HBZ: variants seen among roughly 807,000 people sequenced by gnomAD.
The protein encoded by HBZ is hemoglobin zeta chain.
Under a neutral mutation model 5.8 loss-of-function variants are expected in HBZ, and 2 were observed. That is an observed-to-expected ratio of 0.34 (90% CI 0.14 to 1.09). HBZ has a LOEUF of 1.09. Among genes scored for constraint, HBZ ranks in the 50% least tolerant of loss-of-function variants. The pLI is 0.42. For missense variants in HBZ, 47 were observed against 97.8 expected (o/e 0.48, Z 2.19); for synonymous variants, 39 against 47.4 (o/e 0.82, Z 0.73).
intron 2 of HBZ, 64 bp downstream of exon 2, chr16:154,160 GGGGC>G (rs1901667594): frequency 1.9e-5 from 1 of 53,490 alleles, no homozygotes; most frequent in African/African-American, 4.2e-4. Flanking sequence ...GGGGCGGGGC[GGGGC>G]GGGGCGGGGA....
Position 153,923 on chromosome 16 carries a change from T to C in HBZ, c.127T>C (p.Tyr43His), listed in dbSNP as rs1901659006. Residue 43 changes from tyrosine to histidine, a missense_variant, in exon 2 of 3, where the codon TAC (tyrosine) becomes CAC (histidine). Physicochemically the swap from Tyr to His is moderately conservative, Grantham distance 83. Around this residue, in one of 3 missense-constraint regions of HBZ, gnomAD observed 0 missense variants for 18.6 expected, o/e 0.00. Coordinates refer to ENST00000252951, the MANE Select transcript of HBZ (RefSeq NM_005332.3). ...LFLSHPQTKT[Y>H]FPHFDLHPGS... ...CCTCAGCCACCCGCAGACCAAGACC[T>C]ACTTCCCGCACTTCGACCTGCACCC... 1 of 14,494 alleles carries C rather than the reference T, an allele frequency of 6.9e-5. No individual in the cohort carries two copies. Among genetic ancestry groups the C allele is most frequent in the Admixed American group, 1.1e-3 (1 of 920 alleles). The allele number at this position is 14,494 out of a possible 1,614,324, so 0.9% of individuals were successfully genotyped here.
At chr16:153,586 G>A (rs1176809080) in intron 1 of HBZ, among the ~76,000 whole-genome samples, 1 of 21,352 alleles carries the variant, frequency 4.7e-5, no homozygotes, top group African/African-American at 1.7e-4. Context: ...GTGGCCAGAG[G>A]AGACGGTGGA....
Position 154,439 on chromosome 16 carries a change from T to C in HBZ, c.*39T>C. 7.3e-6 allele frequency: 10 copies of C among 1,371,470 alleles called. No individual in the cohort carries two copies. The highest frequency in any genetic ancestry group is 1.5e-5 in the South Asian group (1 of 66,298). The allele number at this position is 1,371,470 out of a possible 1,614,324, so 85.0% of individuals were successfully genotyped here. ...GACCCCCAGGACAGGCTGCGGCCCC[T>C]CCCCCGTCCTGGAGGTTCCCCAGCC... is the stretch of plus-strand genomic sequence containing the variant. On this transcript the variant is annotated 3_prime_UTR_variant, in exon 3 of 3. Transcript: ENST00000252951.
rs1901635918 is a variant in HBZ, at chr16:152,763, C to G, written c.-147C>G. On this transcript the variant is annotated 5_prime_UTR_variant, in exon 1 of 3. Transcript: ENST00000252951. ...TCACTGGATCTGATAAGAAACACCA[C>G]CCCTGCAGCCCCCTCCCCTCACCTG... The G allele has an allele frequency of 5.1e-6, 7 of 1,376,786 alleles. No homozygotes were observed. Among genetic ancestry groups the G allele is most frequent in the Non-Finnish European group, 6.8e-6 (7 of 1,031,716 alleles). 85.3% of individuals were successfully genotyped at this position (1,376,786 alleles called of 1,614,324 possible). A position where few individuals can be genotyped will look rare whatever the true frequency, so the allele number is the denominator to read the frequency against.
chr16:154,434 G>C lies in HBZ; in HGVS notation c.*34G>C. The C allele has an allele frequency of 7.1e-7, 1 of 1,411,970 alleles. No individual in the cohort carries two copies. Among genetic ancestry groups the C allele is most frequent in the South Asian group, 1.4e-5 (1 of 70,726 alleles). 87.5% of individuals were successfully genotyped at this position (1,411,970 alleles called of 1,614,324 possible). A position where few individuals can be genotyped will look rare whatever the true frequency, so the allele number is the denominator to read the frequency against. On this transcript the variant is annotated 3_prime_UTR_variant, in exon 3 of 3. Transcript: ENST00000252951. ...TCCGGGACCCCCAGGACAGGCTGCG[G>C]CCCCTCCCCCGTCCTGGAGGTTCCC...
At position 152,970 on chromosome 16, in the gene HBZ, C is replaced by A. The variant is rs755606960; in HGVS notation, c.61C>A (p.Gln21Lys). The change falls in exon 1 of 3, where the codon CAG becomes AAG. Residue 21 changes from glutamine to lysine, a missense_variant. By Grantham distance (53) the Gln-to-Lys change is moderately conservative. Around this residue, in one of 3 missense-constraint regions of HBZ, gnomAD observed 29 missense variants for 39.7 expected, o/e 0.73. Transcript: ENST00000252951. ...GTCCATGTGGGCCAAGATCTCCACGCAGGCCGACACCATCGGCACCGAGAC... is the reference window on the plus strand; with the variant it reads ...GTCCATGTGGGCCAAGATCTCCACGAAGGCCGACACCATCGGCACCGAGAC... ...IVSMWAKIST[Q>K]ADTIGTETLE... 1 of 1,611,786 alleles carries A rather than the reference C, an allele frequency of 6.2e-7. No individual in the cohort carries two copies. Among genetic ancestry groups the A allele is most frequent in the Non-Finnish European group, 8.5e-7 (1 of 1,179,462 alleles).
In HBZ at chr16:154,177, G is replaced by GGCGGGGGTC. The variant is rs1555448011; in HGVS notation, c.300+87_300+88insGTCGCGGGG. The GGCGGGGGTC allele has an allele frequency of 9.8e-3, 283 of 28,806 alleles. 76 individuals carry two copies. In the African/African-American group the frequency reaches 0.25, roughly 26 times the overall value. The allele number at this position is 28,806 out of a possible 1,614,324, so 1.8% of individuals were successfully genotyped here. A position where few individuals can be genotyped will look rare whatever the true frequency, so the allele number is the denominator to read the frequency against. ...GGCGGGGCGGGGCGGGGCGGGGAGG[G>GGCGGGGGTC]GCGGGGAGGGGCGGGGTCGCGGGGC... is the stretch of plus-strand genomic sequence containing the variant. On this transcript the variant is annotated intron_variant, in intron 2 of 2. Coordinates refer to ENST00000252951, the MANE Select transcript of HBZ (RefSeq NM_005332.3).
At chr16:153,261 G>A (rs1460485788) in intron 1 of HBZ, among the ~76,000 whole-genome samples, 1 of 151,626 alleles carries the variant, frequency 6.6e-6, no homozygotes, top group Non-Finnish European at 1.5e-5. Context: ...GGAGAGCAGG[G>A]TAAGGAGGGA....
Position 154,434 on chromosome 16 carries a change from G to T in HBZ, c.*34G>T, listed in dbSNP as rs758265794. ...TCCGGGACCCCCAGGACAGGCTGCG[G>T]CCCCTCCCCCGTCCTGGAGGTTCCC... On this transcript the variant is annotated 3_prime_UTR_variant, in exon 3 of 3. Coordinates refer to ENST00000252951, the MANE Select transcript of HBZ (RefSeq NM_005332.3). 4.2e-6 allele frequency: 6 copies of T among 1,411,970 alleles called. No homozygotes were observed. The South Asian group carries it at 5.7e-5, about 13-fold the overall frequency. 87.5% of individuals were successfully genotyped at this position (1,411,970 alleles called of 1,614,324 possible). A position where few individuals can be genotyped will look rare whatever the true frequency, so the allele number is the denominator to read the frequency against.
Position 154,395 on chromosome 16 carries a change from C to G in HBZ, c.424C>G (p.Arg142Gly), listed in dbSNP as rs1055283723. Reference protein sequence around the residue: ...VVSSVLTEKYR With the variant: ...VVSSVLTEKYG ...ATCCTCTGTCCTGACCGAGAAGTAC[C>G]GCTGAGCGCCGCCTCCGGGACCCCC... is the stretch of plus-strand genomic sequence containing the variant. The change falls in exon 3 of 3, where the codon CGC becomes GGC. Residue 142 changes from arginine (R) to glycine (G), a missense_variant. By Grantham distance (125) the Arg-to-Gly change is moderately radical. Coordinates refer to ENST00000252951, the MANE Select transcript of HBZ (RefSeq NM_005332.3). The G allele has an allele frequency of 7.3e-6, 11 of 1,512,864 alleles. No individual in the cohort carries two copies. The African/African-American group carries it at 9.8e-5, about 13-fold the overall frequency. 93.7% of individuals were successfully genotyped at this position (1,512,864 alleles called of 1,614,324 possible).
At position 154,112 on chromosome 16, in the gene HBZ, T is replaced by G. The variant is rs1596558956; in HGVS notation, c.300+16T>G. 4.2e-6 allele frequency: 1 copy of G among 236,424 alleles called. No individual in the cohort carries two copies. The highest frequency in any genetic ancestry group is 5.5e-6 in the Non-Finnish European group (1 of 183,050). 14.6% of individuals were successfully genotyped at this position (236,424 alleles called of 1,614,324 possible). ...CAACTTCAAGGTGCGCGGGGCGCGG[T>G]GCGGGCGGGGCGGGACGGGGCGGGG... On this transcript the variant is annotated intron_variant, in intron 2 of 2. Transcript: ENST00000252951.
chr16:154,364 G>T lies in HBZ; in HGVS notation c.393G>T (p.Ser131=). The T allele has an allele frequency of 6.5e-7, 1 of 1,540,602 alleles. No individual in the cohort carries two copies. Among genetic ancestry groups the T allele is most frequent in the Non-Finnish European group, 8.8e-7 (1 of 1,141,020 alleles). The change falls in exon 3 of 3, where the codon TCG becomes TCT. Residue 131 remains serine (S), a synonymous_variant. Coordinates refer to ENST00000252951, the MANE Select transcript of HBZ (RefSeq NM_005332.3). The stretch of plus-strand genomic sequence containing the variant: ...ACGCCGCCTGGGACAAGTTCCTATC[G>T]GTCGTATCCTCTGTCCTGACCGAGA... ...EAHAAWDKFL[S]VVSSVLTEKY...
chr16:154,162 G>GCGGTGCGGGGCC (rs1901667822), intron 2 of HBZ, 66 bp downstream of exon 2: 1 of 51,788 alleles, frequency 1.9e-5, no homozygotes, highest in African/African-American at 4.6e-4. Context: ...GGCGGGGCGG[G>GCGGTGCGGGGCC]GCGGGGCGGG....
chr16:153,187 G>C (rs189494117), intron 1 of HBZ, among the ~76,000 whole-genome samples, 183 bp downstream of exon 1: 746 of 151,458 alleles, frequency 4.9e-3, no homozygotes, highest in African/African-American at 0.017. Flanking sequence ...CAGTGAGGAG[G>C]GAACCGTGGA....
rs1374339922 is a variant in HBZ, at chr16:152,657, C to T, written c.-253C>T. 4.5e-5 allele frequency: 27 copies of T among 595,282 alleles called. No homozygotes were observed. In the East Asian group the frequency reaches 8.7e-4, roughly 19 times the overall value. 36.9% of individuals were successfully genotyped at this position (595,282 alleles called of 1,614,324 possible). On this transcript the variant is annotated 5_prime_UTR_variant, in exon 1 of 3. Coordinates refer to ENST00000252951, the MANE Select transcript of HBZ (RefSeq NM_005332.3). ...GACTCTGTGGTCAGACTCTGGCCAA[C>T]ACCCCCTGTAAGGCCACAGGAGAGG...
intron 1 of HBZ, among the ~76,000 whole-genome samples, chr16:153,230 GAT>G (rs199635537): frequency 9.7e-3 from 1,472 of 151,640 alleles, no homozygotes; most frequent in African/African-American, 0.034. Flanking sequence ...AGTGAGGACA[GAT>G]AGCGTTCCCT....
At position 152,984 on chromosome 16, in the gene HBZ, C is replaced by T. The variant is rs145940207; in HGVS notation, c.75C>T (p.Ile25=). ...AGATCTCCACGCAGGCCGACACCAT[C>T]GGCACCGAGACTCTGGAGAGGTGAG... ...WAKISTQADT[I]GTETLERLFL... is the part of the protein sequence containing the mutation. The change falls in exon 1 of 3, where the codon ATC becomes ATT. Residue 25 remains isoleucine (I), a synonymous_variant. Coordinates refer to ENST00000252951, the MANE Select transcript of HBZ (RefSeq NM_005332.3). 211 of 1,608,120 alleles carry T rather than the reference C, an allele frequency of 1.3e-4. No homozygotes were observed. Among genetic ancestry groups the T allele is most frequent in the Non-Finnish European group, 1.7e-4 (199 of 1,177,240 alleles).
In HBZ at chr16:153,008, A is replaced by C. The variant is rs751913309; in HGVS notation, c.95+4A>C. 7.1e-7 allele frequency: 1 copy of C among 1,412,322 alleles called. No homozygotes were observed. The highest frequency in any genetic ancestry group is 1.1e-5 in the South Asian group (1 of 88,496). The allele number at this position is 1,412,322 out of a possible 1,614,324, so 87.5% of individuals were successfully genotyped here. ...TCGGCACCGAGACTCTGGAGAGGTGAGTGTCAGACGGGACTGCCAGAGGGA... is the reference window on the plus strand; with the variant it reads ...TCGGCACCGAGACTCTGGAGAGGTGCGTGTCAGACGGGACTGCCAGAGGGA... On this transcript the variant is annotated splice_donor_region_variant and intron_variant, in intron 1 of 2. Coordinates refer to ENST00000252951, the MANE Select transcript of HBZ (RefSeq NM_005332.3).
intron 2 of HBZ, 84 bp downstream of exon 2, chr16:154,180 GGGGA>G (rs1901671050): frequency 3.4e-5 from 1 of 29,320 alleles, no homozygotes; most frequent in African/African-American, 1.7e-3. Context: ...GGGGAGGGGC[GGGGA>G]GGGGCGGGGT....
Sources: allele counts gnomAD v4.1 joint callset (sites outside exome capture counted in the v4.1 genomes callset), GRCh38; gene constraint gnomAD v4.1.1; regional missense constraint gnomAD v4.1.1; transcripts MANE v1.5; gene names NCBI Gene and HGNC (gene_info 2026-07-23, HGNC 2026-07-21).